SYNPR: variants seen among roughly 807,000 people sequenced by gnomAD.
SYNPR encodes synaptoporin.
Under a neutral mutation model 32.9 loss-of-function variants are expected in SYNPR, and 23 were observed. The observed-to-expected ratio is 0.70, with a 90% CI of 0.50 to 0.99. SYNPR has a LOEUF of 0.99. Among genes scored for constraint, SYNPR ranks in the 50% least tolerant of loss-of-function variants. The pLI, the probability that SYNPR is intolerant of heterozygous loss-of-function variation, is 0.00. For missense variants in SYNPR, 318 were observed against 349.3 expected (o/e 0.91, Z 0.71); for synonymous variants, 146 against 135.9 (o/e 1.07, Z -0.52).
chr3:63,260,523 G>A (rs1289495350), intron 2 of SYNPR, among the ~76,000 whole-genome samples: 1 of 152,192 alleles, frequency 6.6e-6, no homozygotes, highest in Non-Finnish European at 1.5e-5. Flanking sequence ...CCATTATGTA[G>A]AAAGCTGAAA....
intron 4 of SYNPR, among the ~76,000 whole-genome samples, chr3:63,571,342 G>A (rs1391824419): frequency 6.6e-6 from 1 of 152,072 alleles, no homozygotes; most frequent in African/African-American, 2.4e-5. Context: ...GGTGGAATTT[G>A]GCCTTACTTT....
In SYNPR at chr3:63,238,178, CT is replaced by C. The variant is rs1259162229; in HGVS notation, n.66+9800del. On this transcript the variant is annotated intron_variant and non_coding_transcript_variant, in intron 1 of 4. Transcript: ENST00000478456. ...AGGTCTGAAGCTGTCTTGCCTCCTG[CT>C]TACTATCTCTCAGCATTCACCTTTG... is the stretch of plus-strand genomic sequence containing the variant. Among the ~76,000 whole-genome samples, 3 of 152,078 alleles carry C rather than the reference CT, an allele frequency of 2.0e-5. No homozygotes were observed. The East Asian group carries it at 5.8e-4, about 29-fold the overall frequency.
At chr3:63,427,008 C>T (rs1699904714) in intron 2 of SYNPR, among the ~76,000 whole-genome samples, 1 of 151,960 alleles carries the variant, frequency 6.6e-6, no homozygotes, top group African/African-American at 2.4e-5. Context: ...TTGGGTATAT[C>T]CATACTGACA....
chr3:63,439,563 T>C (rs974762137), intron 2 of SYNPR, among the ~76,000 whole-genome samples: 1 of 152,144 alleles, frequency 6.6e-6, no homozygotes, highest in African/African-American at 2.4e-5. Context: ...AAAAATCAGC[T>C]ACTGTATGTG....
At chr3:63,615,176 T>C in intron 5 of SYNPR, 48 bp from the exon 6 acceptor site, 1 of 1,573,010 alleles carries the variant, frequency 6.4e-7, no homozygotes, top group South Asian at 1.2e-5. Flanking sequence ...AAATTTTTCT[T>C]GGGTTTTTGT....
intron 2 of SYNPR, among the ~76,000 whole-genome samples, chr3:63,385,151 T>A (rs1296960032): frequency 6.6e-6 from 1 of 152,180 alleles, no homozygotes; most frequent in East Asian, 1.9e-4. Context: ...TCACTAGATA[T>A]CCTTCTTTAA....
At chr3:63,276,733 C>T (rs1241073957), upstream of SYNPR, among the ~76,000 whole-genome samples, 2 of 150,410 alleles carry the variant, frequency 1.3e-5, no homozygotes, top group Non-Finnish European at 2.9e-5. Flanking sequence ...AACTGGCTGA[C>T]TGCAGATGGT....
At position 63,419,386 on chromosome 3, in the gene SYNPR, C is replaced by T. The variant is rs138098947; in HGVS notation, c.85-61446C>T. ...ATACCAAATACTTAGAGTTGGAAAG[C>T]ATGTCCCTCTTGGGCAAAGGGTTGT... On this transcript the variant is annotated intron_variant, in intron 2 of 5. Coordinates refer to ENST00000478300, the MANE Select transcript of SYNPR (RefSeq NM_001130003.2). Among the ~76,000 whole-genome samples, 747 of 152,286 alleles carry T rather than the reference C, an allele frequency of 4.9e-3. 6 individuals carry two copies. The highest frequency in any genetic ancestry group is 0.017 in the African/African-American group (693 of 41,560).
rs1192437856 is a variant in SYNPR, at chr3:63,293,243, A to AT, written c.84+14502dup. The stretch of plus-strand genomic sequence containing the variant: ...AGTGACCAAGGCAGGGTTTCAAATC[A>AT]TATCTATCTGACTTCTTGCCTTTCC... On this transcript the variant is annotated intron_variant, in intron 2 of 5. Transcript: ENST00000478300. Among the ~76,000 whole-genome samples the AT allele has an allele frequency of 2.0e-5, 3 of 152,312 alleles. No individual in the cohort carries two copies. The East Asian group carries it at 5.8e-4, about 29-fold the overall frequency.
At chr3:63,253,766 T>G (rs1455449509) in intron 2 of SYNPR, among the ~76,000 whole-genome samples, 1 of 152,188 alleles carries the variant, frequency 6.6e-6, no homozygotes. Context: ...TGGCGATTCC[T>G]CAGGGATCTA....
At chr3:63,515,510 A>C (rs1158703625) in intron 3 of SYNPR, among the ~76,000 whole-genome samples, 6 of 152,138 alleles carry the variant, frequency 3.9e-5, no homozygotes, top group Non-Finnish European at 7.4e-5. Context: ...TCAGCTCAGT[A>C]TGAATAAAGA....
chr3:63,615,804 G>T lies in SYNPR; in HGVS notation c.*323G>T. 1 of 202,652 alleles carries T rather than the reference G, an allele frequency of 4.9e-6. No homozygotes were observed. The highest frequency in any genetic ancestry group is 9.9e-6 in the Non-Finnish European group (1 of 100,820). The allele number at this position is 202,652 out of a possible 1,614,324, so 12.6% of individuals were successfully genotyped here. A position where few individuals can be genotyped will look rare whatever the true frequency, so the allele number is the denominator to read the frequency against. On this transcript the variant is annotated 3_prime_UTR_variant, in exon 6 of 6. Transcript: ENST00000478300. ...GCTTAAAGTCTCTAGTATGTAATAT[G>T]CATAAAGTAAATCAAATAGCGTTGA... is the stretch of plus-strand genomic sequence containing the variant.
chr3:63,408,352 G>GAA (rs1207417145), intron 2 of SYNPR, among the ~76,000 whole-genome samples: 1 of 147,164 alleles, frequency 6.8e-6, no homozygotes, highest in South Asian at 2.1e-4. Flanking sequence ...AAGAAAGAAA[G>GAA]AAAGAAAGAA....
At chr3:63,594,188 C>T (rs1245695714) in intron 4 of SYNPR, among the ~76,000 whole-genome samples, 1 of 152,142 alleles carries the variant, frequency 6.6e-6, no homozygotes, top group Non-Finnish European at 1.5e-5. Context: ...GGTAGACCTT[C>T]ATTCAATATA....
intron 3 of SYNPR, among the ~76,000 whole-genome samples, chr3:63,495,035 T>A (rs886379388): frequency 6.6e-6 from 1 of 152,192 alleles, no homozygotes; most frequent in South Asian, 2.1e-4. Flanking sequence ...ATTTCCTGAG[T>A]CCAGGAATAA....
At chr3:63,455,756 G>GGGGTGTGTGTGT (rs1553637948) in intron 2 of SYNPR, among the ~76,000 whole-genome samples, 7 of 144,378 alleles carry the variant, frequency 4.8e-5, no homozygotes, top group South Asian at 2.2e-4. Flanking sequence ...TCATGTTTGG[G>GGGGTGTGTGTGT]GTGTGTGTGT....
the SYNPR span, among the ~76,000 whole-genome samples, chr3:63,206,531 A>T: frequency 9.3e-4 from 142 of 152,260 alleles, 1 homozygote; most frequent in African/African-American, 3.2e-3. Flanking sequence ...ACTGCACTCC[A>T]GCCTGGGTGA....
intron 4 of SYNPR, among the ~76,000 whole-genome samples, chr3:63,572,970 A>G (rs1267809218): frequency 6.6e-6 from 1 of 152,224 alleles, no homozygotes; most frequent in African/African-American, 2.4e-5. Flanking sequence ...CAGTAATATT[A>G]AGACAAAAAT....
chr3:63,204,687 TTTTTTTTC>T, the SYNPR span, among the ~76,000 whole-genome samples: 2 of 152,098 alleles, frequency 1.3e-5, no homozygotes, highest in South Asian at 4.2e-4. Context: ...TCGAGTGATT[TTTTTTTTC>T]TTTTTTTTGA....
Sources: allele counts gnomAD v4.1 joint callset (sites outside exome capture counted in the v4.1 genomes callset), GRCh38; gene constraint gnomAD v4.1.1; transcripts MANE v1.5; gene names NCBI Gene and HGNC (gene_info 2026-07-23, HGNC 2026-07-21).